The following EYA2 variants were observed in gnomAD, a reference collection of about 807,000 sequenced individuals.
EYA2 encodes the protein protein phosphatase EYA2.
A neutral mutation model predicts 69.2 loss-of-function variants in EYA2; 31 were observed. That is an observed-to-expected ratio of 0.45 (90% confidence interval 0.34 to 0.60). The LOEUF (loss-of-function observed/expected upper bound fraction) is 0.60. EYA2 is among the 20% of genes least tolerant of loss of function. The probability of loss-of-function intolerance (pLI) is 0.02; values close to 1 mark genes in which losing one functional copy is unlikely to be tolerated. For missense variants in EYA2, 622 were observed against 701.2 expected (o/e 0.89, Z 1.28); for synonymous variants, 257 against 279.4 (o/e 0.92, Z 0.80).
intron 10 of EYA2, among the ~76,000 whole-genome samples, chr20:47,158,276 A>G (rs1222247741): frequency 6.6e-6 from 1 of 151,994 alleles, no homozygotes; most frequent in Non-Finnish European, 1.5e-5. Context: ...GCACTTTGGA[A>G]GGCCCAGGTG....
In EYA2 at chr20:47,017,303, G is replaced by A. The variant is rs112210165; in HGVS notation, c.415+1006G>A. On this transcript the variant is annotated intron_variant, in intron 5 of 15. Transcript: ENST00000327619. The stretch of plus-strand genomic sequence containing the variant: ...AAAGGGTAAAATGATAAGATGGTGG[G>A]CTGATGTGTGATTGTACTTTTTTTT... Among the ~76,000 whole-genome samples, 11 of 152,264 alleles carry A rather than the reference G, an allele frequency of 7.2e-5. 1 individual carries two copies. Among genetic ancestry groups the A allele is most frequent in the African/African-American group, 2.6e-4 (11 of 41,544 alleles).
intron 9 of EYA2, among the ~76,000 whole-genome samples, chr20:47,115,942 G>C (rs1244486012): frequency 3.9e-5 from 6 of 152,054 alleles, no homozygotes; most frequent in Non-Finnish European, 8.8e-5. Context: ...CCACCACAGG[G>C]CCTTTGCACA....
chr20:47,062,128 C>A (rs970839790), intron 5 of EYA2, among the ~76,000 whole-genome samples: 2 of 152,166 alleles, frequency 1.3e-5, no homozygotes, highest in Admixed American at 1.3e-4. Context: ...ACTTCTCACA[C>A]GTGATGACGT....
intron 1 of EYA2, among the ~76,000 whole-genome samples, chr20:46,951,112 C>T (rs563271688): frequency 2.5e-4 from 38 of 152,146 alleles, no homozygotes; most frequent in Middle Eastern, 3.4e-3. Flanking sequence ...TGGTATTTGC[C>T]GAAGGGATTT....
At chr20:46,976,468 C>T (rs1415684899) in intron 1 of EYA2, among the ~76,000 whole-genome samples, 1 of 152,110 alleles carries the variant, frequency 6.6e-6, no homozygotes, top group African/African-American at 2.4e-5. Flanking sequence ...TCACTGCAAA[C>T]TCCGCCTCCC....
At chr20:47,017,859 G>A (rs574108223) in intron 5 of EYA2, among the ~76,000 whole-genome samples, 2 of 152,232 alleles carry the variant, frequency 1.3e-5, no homozygotes, top group Non-Finnish European at 2.9e-5. Flanking sequence ...AGATTTTATT[G>A]TAAGCATAAT....
chr20:47,179,963 G>A (rs371315841), intron 13 of EYA2, 51 bp downstream of exon 13: 2 of 1,323,108 alleles, frequency 1.5e-6, no homozygotes, highest in South Asian at 2.4e-5. Flanking sequence ...TCTCGCAGTA[G>A]ACAGTGGTGG....
chr20:47,089,606 G>A (rs913962360), intron 8 of EYA2, among the ~76,000 whole-genome samples: 1 of 152,226 alleles, frequency 6.6e-6, no homozygotes, highest in African/African-American at 2.4e-5. Context: ...GGGGGGTGGG[G>A]GATGGTGCTT....
At chr20:47,186,446 G>T (rs1568835689) in intron 15 of EYA2, among the ~76,000 whole-genome samples, 1 of 135,774 alleles carries the variant, frequency 7.4e-6, no homozygotes, top group Non-Finnish European at 1.5e-5. Flanking sequence ...TGCATCCTCT[G>T]CCTCCTGTGT....
intron 10 of EYA2, among the ~76,000 whole-genome samples, chr20:47,152,828 G>A (rs1600748306): frequency 7.2e-6 from 1 of 138,700 alleles, no homozygotes. Flanking sequence ...AAAAAAGAAA[G>A]AAAAGAAAAA....
intron 1 of EYA2, among the ~76,000 whole-genome samples, chr20:46,940,848 G>C (rs6012084): frequency 0.057 from 8,607 of 152,268 alleles, 736 homozygotes; most frequent in African/African-American, 0.19. Context: ...TGTCAGAGGG[G>C]AACAGTGCTT....
At chr20:47,008,671 G>T (rs936186055) in intron 4 of EYA2, among the ~76,000 whole-genome samples, 29 of 152,218 alleles carry the variant, frequency 1.9e-4, no homozygotes, top group South Asian at 6.2e-4. Context: ...TGGAGCGTCT[G>T]CTCCTGGATG....
chr20:47,150,484 G>A lies in EYA2; in HGVS notation c.978+7336G>A, dbSNP rs545261583. Reference sequence around the variant, plus strand: ...GCGGCTTCCTTTTCCCCCACCCCCCGAAAGACAGGGTCTTACTCTGTCACC... The same window carrying A: ...GCGGCTTCCTTTTCCCCCACCCCCCAAAAGACAGGGTCTTACTCTGTCACC... On this transcript the variant is annotated intron_variant, in intron 10 of 15. Coordinates refer to ENST00000327619, the MANE Select transcript of EYA2 (RefSeq NM_005244.5). Among the ~76,000 whole-genome samples the A allele has an allele frequency of 1.5e-3, 220 of 150,484 alleles. No individual in the cohort carries two copies. In the Middle Eastern group the frequency reaches 0.024, roughly 16 times the overall value.
At chr20:47,024,699 ACT>A (rs1278441566) in intron 5 of EYA2, among the ~76,000 whole-genome samples, 6 of 151,544 alleles carry the variant, frequency 4.0e-5, no homozygotes, top group Non-Finnish European at 7.4e-5. Flanking sequence ...CTTCTTGGAA[ACT>A]CTATCCTGGG....
At chr20:46,973,666 C>T (rs936295688) in intron 1 of EYA2, among the ~76,000 whole-genome samples, 1 of 152,082 alleles carries the variant, frequency 6.6e-6, no homozygotes, top group Non-Finnish European at 1.5e-5. Flanking sequence ...AAACCGTGAA[C>T]ATTGTTGAGT....
chr20:47,168,383 G>A (rs970990914), intron 10 of EYA2, among the ~76,000 whole-genome samples: 1 of 151,918 alleles, frequency 6.6e-6, no homozygotes, highest in Non-Finnish European at 1.5e-5. Context: ...TAGAGACAGG[G>A]TTTCATCATG....
At chr20:46,922,782 A>T (rs891970873) in intron 1 of EYA2, among the ~76,000 whole-genome samples, 1 of 151,284 alleles carries the variant, frequency 6.6e-6, no homozygotes, top group Admixed American at 6.6e-5. Flanking sequence ...AGCATTTTGC[A>T]TGGTCTTAAG....
intron 1 of EYA2, among the ~76,000 whole-genome samples, chr20:46,923,346 CAG>C (rs1248805832): frequency 6.6e-6 from 1 of 152,188 alleles, no homozygotes; most frequent in Non-Finnish European, 1.5e-5. Context: ...GCCTGGGTGA[CAG>C]AGTGAGACTC....
chr20:46,994,068 G>A (rs1366287685), intron 2 of EYA2, among the ~76,000 whole-genome samples: 1 of 152,210 alleles, frequency 6.6e-6, no homozygotes, highest in Admixed American at 6.5e-5. Flanking sequence ...TGAAGGGGTA[G>A]GTGGATGAAG....
Sources: gnomAD v4.1 joint callset for allele counts (sites outside exome capture counted in the v4.1 genomes callset) on GRCh38, gnomAD v4.1.1 for gene constraint, MANE v1.5 for transcripts, NCBI Gene and HGNC (gene_info 2026-07-23, HGNC 2026-07-21) for gene names.